The following HPSE2 variants were observed in gnomAD, a reference collection of about 807,000 sequenced individuals.
The protein encoded by HPSE2 is inactive heparanase-2.
Under a neutral mutation model 60.5 loss-of-function variants are expected in HPSE2, and 38 were observed. That is an observed-to-expected ratio of 0.63 (90% CI 0.48 to 0.82). The LOEUF is 0.82. Ranked by LOEUF, HPSE2 falls within the 40% of genes least tolerant of loss-of-function variation. HPSE2 has a pLI of 0.00. For missense variants in HPSE2, 713 were observed against 740.4 expected, an observed-to-expected ratio of 0.96 and a Z score of 0.43; for synonymous variants, 295 against 293.2, an observed-to-expected ratio of 1.01 and a Z score of -0.06.
intron 3 of HPSE2, among the ~76,000 whole-genome samples, chr10:99,119,844 GA>G (rs1421204205): frequency 6.6e-6 from 1 of 151,948 alleles, no homozygotes; most frequent in Admixed American, 6.6e-5. Flanking sequence ...AAGCAATGGG[GA>G]AATGACTTCC....
the HPSE2 span, among the ~76,000 whole-genome samples, chr10:99,258,692 G>A: frequency 6.6e-6 from 1 of 152,200 alleles, no homozygotes; most frequent in East Asian, 1.9e-4. Flanking sequence ...GATCAGTAGA[G>A]CAGAATAGAG....
chr10:99,198,150 A>C (rs959867533), intron 2 of HPSE2, among the ~76,000 whole-genome samples: 1 of 152,190 alleles, frequency 6.6e-6, no homozygotes, highest in Non-Finnish European at 1.5e-5. Flanking sequence ...GGAATAAAAA[A>C]CAATCAAAAA....
intron 6 of HPSE2, among the ~76,000 whole-genome samples, chr10:98,646,511 G>T (rs1482787937): frequency 6.6e-6 from 1 of 151,958 alleles, no homozygotes; most frequent in Non-Finnish European, 1.5e-5. Context: ...ACCTTTCTGG[G>T]AACTATCACA....
intron 11 of HPSE2, among the ~76,000 whole-genome samples, chr10:98,471,693 C>T (rs903514491): frequency 6.6e-6 from 1 of 152,050 alleles, no homozygotes; most frequent in African/African-American, 2.4e-5. Flanking sequence ...TTATGCTCCT[C>T]GGTGTGTACC....
chr10:98,889,659 G>T (rs775496527), intron 3 of HPSE2, among the ~76,000 whole-genome samples: 6 of 152,108 alleles, frequency 3.9e-5, no homozygotes, highest in Admixed American at 2.0e-4. Flanking sequence ...ACTGGTCAAG[G>T]GAGTCAAGTG....
chr10:98,607,117 T>TC (rs1302451309), intron 9 of HPSE2, among the ~76,000 whole-genome samples: 3 of 138,596 alleles, frequency 2.2e-5, no homozygotes, highest in African/African-American at 5.2e-5. Flanking sequence ...CTCTCTTTCT[T>TC]CTCAGGTCAT....
chr10:98,759,279 C>G (rs1028054442), intron 3 of HPSE2, among the ~76,000 whole-genome samples: 1 of 152,132 alleles, frequency 6.6e-6, no homozygotes, highest in Non-Finnish European at 1.5e-5. Context: ...ATGCCAAATA[C>G]TCATGACACA....
chr10:99,075,596 T>C (rs1006742579), intron 3 of HPSE2, among the ~76,000 whole-genome samples: 1 of 152,190 alleles, frequency 6.6e-6, no homozygotes, highest in South Asian at 2.1e-4. Flanking sequence ...TCTATCTGGA[T>C]GTTCTATTGA....
At chr10:98,770,877 T>A (rs1950226774) in intron 3 of HPSE2, among the ~76,000 whole-genome samples, 1 of 152,112 alleles carries the variant, frequency 6.6e-6, no homozygotes, top group Non-Finnish European at 1.5e-5. Flanking sequence ...AGGGGGGCCA[T>A]CCTGAATGGG....
At chr10:98,744,192 T>G in intron 3 of HPSE2, 136 bp from the exon 4 acceptor site, 4 of 839,260 alleles carry the variant, frequency 4.8e-6, no homozygotes, top group Non-Finnish European at 7.8e-6. Context: ...TAAAAGGGAC[T>G]ATTACCTTTT....
intron 3 of HPSE2, among the ~76,000 whole-genome samples, chr10:98,827,284 C>G (rs1231164587): frequency 6.6e-6 from 1 of 152,142 alleles, no homozygotes; most frequent in Non-Finnish European, 1.5e-5. Flanking sequence ...CGGCTCACCA[C>G]AAGCTCTGTG....
chr10:98,777,594 G>A (rs1409052279), intron 3 of HPSE2, among the ~76,000 whole-genome samples: 1 of 152,082 alleles, frequency 6.6e-6, no homozygotes, highest in Non-Finnish European at 1.5e-5. Flanking sequence ...TTGAGTCTTG[G>A]TTTCTCTTCT....
intron 6 of HPSE2, among the ~76,000 whole-genome samples, chr10:98,689,193 T>C (rs973681646): frequency 2.0e-5 from 3 of 152,210 alleles, no homozygotes; most frequent in Admixed American, 2.0e-4. Context: ...CCACATTTTC[T>C]TTTTCCTGTT....
intron 9 of HPSE2, among the ~76,000 whole-genome samples, chr10:98,539,264 G>A (rs1943384001): frequency 1.3e-5 from 2 of 152,228 alleles, no homozygotes; most frequent in Admixed American, 6.5e-5. Context: ...GCTCAAGCCT[G>A]TAATCCCAGC....
At chr10:98,804,341 A>G (rs1234531393) in intron 3 of HPSE2, among the ~76,000 whole-genome samples, 1 of 152,148 alleles carries the variant, frequency 6.6e-6, no homozygotes, top group East Asian at 1.9e-4. Context: ...AAATGAAGAG[A>G]TAACCCACAG....
intron 11 of HPSE2, among the ~76,000 whole-genome samples, chr10:98,480,528 A>T (rs1407800302): frequency 6.6e-6 from 1 of 152,162 alleles, no homozygotes; most frequent in African/African-American, 2.4e-5. Flanking sequence ...ACAGGGGTTA[A>T]GGTATGGCCA....
the HPSE2 span, among the ~76,000 whole-genome samples, chr10:99,244,303 C>G: frequency 6.6e-6 from 1 of 151,904 alleles, no homozygotes; most frequent in Non-Finnish European, 1.5e-5. Flanking sequence ...AAGCGTGAGC[C>G]ACCACGCCCG....
rs569054299 is a variant in HPSE2, at chr10:99,041,321, G to C, written c.610+102917C>G. The stretch of plus-strand genomic sequence containing the variant: ...AACAGCAACCCACAAGGAGCAGAGA[G>C]GAGCGAGGCAGAACAGCTGCCCACC... On this transcript the variant is annotated intron_variant, in intron 3 of 11. Transcript: ENST00000370552. Among the ~76,000 whole-genome samples, 4 of 152,222 alleles carry C rather than the reference G, an allele frequency of 2.6e-5. No individual in the cohort carries two copies. The South Asian group carries it at 8.3e-4, about 32-fold the overall frequency.
intron 3 of HPSE2, among the ~76,000 whole-genome samples, chr10:98,905,568 A>T (rs1953793033): frequency 6.6e-6 from 1 of 152,176 alleles, no homozygotes; most frequent in South Asian, 2.1e-4. Context: ...TTCAGCCTAT[A>T]GGTATGGATA....
Sources: gnomAD v4.1 joint callset for allele counts (sites outside exome capture counted in the v4.1 genomes callset) on GRCh38, gnomAD v4.1.1 for gene constraint, MANE v1.5 for transcripts, NCBI Gene and HGNC (gene_info 2026-07-23, HGNC 2026-07-21) for gene names.